ACTR8: variants seen among roughly 807,000 people sequenced by gnomAD.
The protein encoded by ACTR8 is actin related protein 8.
In ACTR8, 70 loss-of-function variants were observed where a neutral mutation model predicts 84.3. The ratio of observed to expected loss-of-function variants is 0.83; its 90% CI spans 0.68 to 1.01. The LOEUF is 1.01. Among genes scored for constraint, ACTR8 ranks in the 50% least tolerant of loss-of-function variants. ACTR8 has a pLI of 0.00. For synonymous variants in ACTR8, 268 were observed against 275.2 expected (o/e 0.97, Z 0.26); for missense variants, 672 against 775.4 (o/e 0.87, Z 1.58).
At chr3:53,881,930 C>A in intron 1 of ACTR8, 49 bp downstream of exon 1, 5 of 1,551,930 alleles carry the variant, frequency 3.2e-6, no homozygotes, top group Non-Finnish European at 4.4e-6. Flanking sequence ...TGCCTGGCAG[C>A]GGAGGACCCA....
In ACTR8 at chr3:53,870,507, C is replaced by T. The variant is rs187189470; in HGVS notation, c.1568-362G>A. 1.9e-4 allele frequency among the ~76,000 whole-genome samples: 29 copies of T among 152,160 alleles called. No homozygotes were observed. Among genetic ancestry groups the T allele is most frequent in the Admixed American group, 1.6e-3 (25 of 15,276 alleles). ...CTCTACTAAAAATACAAAAAGTAGC[C>T]GGGCATGGTAGCGTGCGCCTGTAGT... On this transcript the variant is annotated intron_variant, in intron 11 of 12. Coordinates refer to ENST00000335754, the MANE Select transcript of ACTR8 (RefSeq NM_022899.5). This position sits in a 1 kb window ranked among gnomAD's most constrained non-coding sequence, Gnocchi z 4.1.
intron 2 of ACTR8, 33 bp from the exon 3 acceptor site, chr3:53,878,500 G>A: frequency 8.5e-6 from 11 of 1,291,616 alleles, no homozygotes; most frequent in Admixed American, 2.0e-5. Flanking sequence ...GCAGTACAAA[G>A]GATTTAATGA....
chr3:53,860,573 T>A, the ACTR8 span: 2 of 171,906 alleles, frequency 1.2e-5, no homozygotes, highest in East Asian at 3.1e-4. Flanking sequence ...TAAAAAATAG[T>A]TCTTATGAGG....
chr3:53,877,430 C>G (rs1576866925), intron 4 of ACTR8, 43 bp from the exon 5 acceptor site: 2 of 1,535,622 alleles, frequency 1.3e-6, no homozygotes, highest in East Asian at 4.5e-5. Context: ...TAAAACTTTT[C>G]TCTCAAGGTT....
intron 10 of ACTR8, among the ~76,000 whole-genome samples, chr3:53,871,957 G>C: frequency 6.6e-6 from 1 of 152,170 alleles, no homozygotes; most frequent in Non-Finnish European, 1.5e-5. Flanking sequence ...TTCATTAGCA[G>C]ACAAGACCTT....
intron 2 of ACTR8, 44 bp downstream of exon 2, chr3:53,879,895 G>A (rs1700032514): frequency 1.3e-6 from 2 of 1,540,074 alleles, no homozygotes; most frequent in Non-Finnish European, 1.8e-6. Flanking sequence ...AGCCCTCCCA[G>A]GGAAACAACC....
chr3:53,864,348 A>G (rs1317376774), downstream of ACTR8, among the ~76,000 whole-genome samples: 1 of 152,158 alleles, frequency 6.6e-6, no homozygotes, highest in East Asian at 1.9e-4. Flanking sequence ...CATCCTGGCT[A>G]ACAGGGTGAA....
chr3:53,873,818 T>TTTTA (rs887350125), intron 8 of ACTR8, among the ~76,000 whole-genome samples: 17 of 152,208 alleles, frequency 1.1e-4, no homozygotes, highest in African/African-American at 2.4e-4. Context: ...TGTTACTTCA[T>TTTTA]TTTATTTATT....
At chr3:53,875,129 G>A (rs1008727348) in intron 7 of ACTR8, among the ~76,000 whole-genome samples, 1 of 152,200 alleles carries the variant, frequency 6.6e-6, no homozygotes, top group Non-Finnish European at 1.5e-5. Flanking sequence ...TAGGAAACCT[G>A]GGTCCAGCAT....
chr3:53,877,290 G>A lies in ACTR8; in HGVS notation c.608C>T (p.Ala203Val), dbSNP rs771831506. 1 of 1,614,076 alleles carries A rather than the reference G, an allele frequency of 6.2e-7. No homozygotes were observed. The highest frequency in any genetic ancestry group is 2.2e-5 in the East Asian group (1 of 44,878). Residue 203 changes from alanine to valine, a missense_variant, in exon 5 of 13, where the codon GCT (alanine) becomes GTT (valine). Transcript: ENST00000335754. ...TATTACTTCAATATCTGCCAGAACA[G>A]CTGTAAGAGAGCCCCCAGGGCCTGG... The part of the protein sequence containing the change: ...IHPGPGGSLT[A>V]VLADIEVIWS...
intron 5 of ACTR8, 99 bp from the exon 6 acceptor site, chr3:53,876,812 C>T (rs1699980783): frequency 1.6e-6 from 1 of 611,140 alleles, no homozygotes; most frequent in Non-Finnish European, 2.8e-6. Context: ...GGAGTAGCAG[C>T]TACGGTTACA....
At chr3:53,877,414 CT>C (rs762603840) in intron 4 of ACTR8, 27 bp from the exon 5 acceptor site, 2 of 1,560,998 alleles carry the variant, frequency 1.3e-6, no homozygotes, top group African/African-American at 2.8e-5. Context: ...GAGATGAGTA[CT>C]TTGTTAAAAC....
Position 53,880,059 on chromosome 3 carries a change from T to C in ACTR8, c.174A>G (p.Leu58=). 5 of 1,614,170 alleles carry C rather than the reference T, an allele frequency of 3.1e-6. No homozygotes were observed. The highest frequency in any genetic ancestry group is 4.2e-6 in the Non-Finnish European group (5 of 1,180,002). ...GAGTGTCTGTGGCTCGACCAATCCT[T>C]AAAGTTGTTGAACCTGGATGTATGA... ...IIVIHPGSTT[L]RIGRATDTLP... is the part of the protein sequence containing the mutation. The change falls in exon 2 of 13, where the codon TTA becomes TTG. Residue 58 remains leucine (L), a synonymous_variant. Transcript: ENST00000335754.
chr3:53,869,184 G>C (rs1417515913), intron 12 of ACTR8, among the ~76,000 whole-genome samples: 1 of 152,230 alleles, frequency 6.6e-6, no homozygotes, highest in Non-Finnish European at 1.5e-5. Flanking sequence ...AGGAGGCTGA[G>C]GCAGGAGAAT....
intron 10 of ACTR8, 84 bp downstream of exon 10, chr3:53,872,300 C>A: frequency 2.9e-6 from 4 of 1,375,712 alleles, no homozygotes; most frequent in Admixed American, 2.7e-5. Context: ...GAAGATAGAA[C>A]TGATTACAAT....
In ACTR8 at chr3:53,875,938, A is replaced by C. The variant is rs757366507; in HGVS notation, c.911+10T>G. ...AGGAAACAGGGAATGCCACCTTCCAAGTTCCTTACCGAGTATTCCGATGAG... is the reference window on the plus strand; with the variant it reads ...AGGAAACAGGGAATGCCACCTTCCACGTTCCTTACCGAGTATTCCGATGAG... On this transcript the variant is annotated intron_variant, in intron 7 of 12. Transcript: ENST00000335754. The C allele has an allele frequency of 5.6e-6, 9 of 1,614,196 alleles. No individual in the cohort carries two copies. Among genetic ancestry groups the C allele is most frequent in the Non-Finnish European group, 7.6e-6 (9 of 1,180,020 alleles).
chr3:53,876,518 C>T, intron 6 of ACTR8, 102 bp downstream of exon 6: 1 of 739,308 alleles, frequency 1.4e-6, no homozygotes, highest in South Asian at 1.7e-5. Flanking sequence ...GACTCTGTCT[C>T]AAATAAATAA....
chr3:53,871,488 T>C lies in ACTR8; in HGVS notation c.1311A>G (p.Lys437=), dbSNP rs748747743. ...ATGCAGACTTTCGGTCAGCAGTAGCTTTTGCAGACTTTAAATCAAAAGGAC... is the reference window on the plus strand; with the variant it reads ...ATGCAGACTTTCGGTCAGCAGTAGCCTTTGCAGACTTTAAATCAAAAGGAC... The part of the protein sequence containing the change: ...ATQSKQEQSA[K]ATADRKSASK... The change falls in exon 11 of 13, where the codon AAA becomes AAG. Residue 437 remains lysine, a synonymous_variant. Coordinates refer to ENST00000335754, the MANE Select transcript of ACTR8 (RefSeq NM_022899.5). 3.7e-6 allele frequency: 6 copies of C among 1,613,978 alleles called. No individual in the cohort carries two copies. Among genetic ancestry groups the C allele is most frequent in the Non-Finnish European group, 5.1e-6 (6 of 1,179,982 alleles).
intron 10 of ACTR8, 29 bp downstream of exon 10, chr3:53,872,355 T>G: frequency 2.0e-6 from 3 of 1,532,160 alleles, no homozygotes; most frequent in Non-Finnish European, 2.6e-6. Flanking sequence ...GACAAAACTC[T>G]CTCTTCTCCT....
Sources: allele counts gnomAD v4.1 joint callset (sites outside exome capture counted in the v4.1 genomes callset), GRCh38; gene constraint gnomAD v4.1.1; non-coding constraint Gnocchi (gnomAD v3.1); transcripts MANE v1.5; gene names NCBI Gene and HGNC (gene_info 2026-07-23, HGNC 2026-07-21).